The following ANO10 variants were observed in gnomAD, a reference collection of about 807,000 sequenced individuals.
ANO10 encodes the protein anoctamin 10, also known as anoctamin-10.
Under a neutral mutation model 74.7 loss-of-function variants are expected in ANO10, and 77 were observed. The observed-to-expected ratio is 1.03, with a 90% CI of 0.86 to 1.25. The LOEUF is 1.25. Among genes scored for constraint, ANO10 ranks in the 50% most tolerant of loss-of-function variants. ANO10 has a pLI of 0.00. For missense variants in ANO10, 721 were observed against 778.1 expected, an observed-to-expected ratio of 0.93 and a Z score of 0.87; for synonymous variants, 279 against 284.9, an observed-to-expected ratio of 0.98 and a Z score of 0.21.
intron 12 of ANO10, among the ~76,000 whole-genome samples, chr3:43,417,312 G>A (rs1243364526): frequency 1.3e-5 from 2 of 152,176 alleles, no homozygotes; most frequent in Non-Finnish European, 2.9e-5. Flanking sequence ...GAGACAAGAT[G>A]GCGCTGGCCA....
intron 12 of ANO10, among the ~76,000 whole-genome samples, chr3:43,426,980 ACTC>A (rs1285361533): frequency 4.0e-5 from 6 of 151,676 alleles, no homozygotes; most frequent in Admixed American, 1.3e-4. Context: ...ATCCACCACC[ACTC>A]CTCCTGTCAC....
chr3:43,369,077 TCTC>T (rs2091514474), intron 12 of ANO10, among the ~76,000 whole-genome samples: 1 of 152,178 alleles, frequency 6.6e-6, no homozygotes, highest in Non-Finnish European at 1.5e-5. Context: ...GGATGGGCCT[TCTC>T]CTCCAAATGA....
intron 12 of ANO10, among the ~76,000 whole-genome samples, chr3:43,411,838 T>C (rs2092670149): frequency 6.6e-6 from 1 of 152,146 alleles, no homozygotes; most frequent in Non-Finnish European, 1.5e-5. Flanking sequence ...AGCTGTGTGC[T>C]AACCAACCAT....
intron 11 of ANO10, among the ~76,000 whole-genome samples, chr3:43,511,686 CAG>C (rs1036405491): frequency 2.6e-5 from 4 of 152,132 alleles, no homozygotes; most frequent in African/African-American, 9.7e-5. Context: ...CTAAGAGGAT[CAG>C]AGAGTCATGT....
intron 11 of ANO10, among the ~76,000 whole-genome samples, chr3:43,539,477 T>G (rs2078859443): frequency 6.6e-6 from 1 of 152,138 alleles, no homozygotes; most frequent in Non-Finnish European, 1.5e-5. Flanking sequence ...CATGCAAGAA[T>G]GAGGTTAGCA....
intron 11 of ANO10, among the ~76,000 whole-genome samples, chr3:43,464,521 A>C (rs2372436): frequency 0.22 from 33,807 of 151,996 alleles, 4,289 homozygotes; most frequent in Middle Eastern, 0.36. Context: ...AGCTACAAAA[A>C]ATTAAAAAAT....
chr3:43,576,790 G>A lies in ANO10; in HGVS notation c.1064C>T (p.Thr355Ile). The change falls in exon 6 of 13, where the codon ACC becomes ATC. Residue 355 changes from threonine (T) to isoleucine (I), a missense_variant. Transcript: ENST00000292246. ...GCTGGGCACATACAACAGGACACTG[G>A]TCCACTCAGACCCGCTGTTCTCATG... ...GLHENSGSEW[T>I]SVLLYVPSII... The A allele has an allele frequency of 1.2e-6, 2 of 1,614,122 alleles. No homozygotes were observed. Among genetic ancestry groups the A allele is most frequent in the Non-Finnish European group, 1.7e-6 (2 of 1,180,020 alleles).
At chr3:43,412,342 T>C (rs1368736204) in intron 12 of ANO10, among the ~76,000 whole-genome samples, 3 of 152,096 alleles carry the variant, frequency 2.0e-5, no homozygotes, top group South Asian at 2.1e-4. Flanking sequence ...GGAATGCCGA[T>C]GCAGTCGGTT....
At position 43,596,882 on chromosome 3, in the gene ANO10, T is replaced by A. The variant is rs545449890; in HGVS notation, c.472+1650A>T. Among the ~76,000 whole-genome samples, 5 of 152,212 alleles carry A rather than the reference T, an allele frequency of 3.3e-5. No individual in the cohort carries two copies. The East Asian group carries it at 9.7e-4, about 29-fold the overall frequency. ...CTATCCATCTGACAAAGGGCTAATA[T>A]CCAGAATCTACAAAGAACTTAAACA... is the stretch of plus-strand genomic sequence containing the variant. On this transcript the variant is annotated intron_variant, in intron 4 of 12. Coordinates refer to ENST00000292246, the MANE Select transcript of ANO10 (RefSeq NM_018075.5).
At chr3:43,460,683 A>G (rs2075338052) in intron 11 of ANO10, among the ~76,000 whole-genome samples, 2 of 152,244 alleles carry the variant, frequency 1.3e-5, no homozygotes, top group Admixed American at 1.3e-4. Flanking sequence ...GTCTTCATGA[A>G]GAAAATCAGA....
intron 10 of ANO10, 77 bp downstream of exon 10, chr3:43,555,200 CT>C (rs1458917578): frequency 1.3e-5 from 19 of 1,473,862 alleles, no homozygotes; most frequent in Non-Finnish European, 1.8e-5. Context: ...GTAGGGCTTA[CT>C]TTTTAATTTT....
chr3:43,379,142 T>C (rs2091890889), intron 12 of ANO10, among the ~76,000 whole-genome samples: 1 of 152,082 alleles, frequency 6.6e-6, no homozygotes, highest in African/African-American at 2.4e-5. Context: ...AATCTAGAAC[T>C]CAAGTGACAC....
intron 12 of ANO10, among the ~76,000 whole-genome samples, chr3:43,394,560 T>C (rs192409128): frequency 3.9e-5 from 6 of 152,296 alleles, no homozygotes; most frequent in East Asian, 1.9e-4. Flanking sequence ...TAAGAAGATG[T>C]AGAATTTATA....
intron 12 of ANO10, among the ~76,000 whole-genome samples, chr3:43,428,495 G>A (rs1252243204): frequency 6.6e-6 from 1 of 152,104 alleles, no homozygotes; most frequent in African/African-American, 2.4e-5. Flanking sequence ...TGATGGATCA[G>A]AGACATTAGA....
At chr3:43,609,389 T>C (rs1473378638) in intron 1 of ANO10, among the ~76,000 whole-genome samples, 1 of 152,132 alleles carries the variant, frequency 6.6e-6, no homozygotes, top group African/African-American at 2.4e-5. Context: ...ATTAAATGTA[T>C]AAAACAAGTA....
chr3:43,422,364 C>T (rs1029126004), intron 12 of ANO10, among the ~76,000 whole-genome samples: 1 of 152,238 alleles, frequency 6.6e-6, no homozygotes, highest in Non-Finnish European at 1.5e-5. Context: ...GTCCGCCTGC[C>T]TCAGCCTCCC....
In ANO10 at chr3:43,664,097, C is replaced by T. The variant is rs544440617; in HGVS notation, c.-12+27420G>A. ...AGACAATCCTGGGCAAGAAGAACAA[C>T]GCTGGAGGCATTACACTACCTTACT... is the stretch of plus-strand genomic sequence containing the variant. On this transcript the variant is annotated intron_variant, in intron 1 of 3. Transcript: ENST00000413397. Among the ~76,000 whole-genome samples the T allele has an allele frequency of 5.3e-4, 80 of 151,930 alleles. 2 individuals are homozygous for T. Among genetic ancestry groups the T allele is most frequent in the East Asian group, 2.5e-3 (13 of 5,176 alleles).
chr3:43,623,608 C>G (rs535290107), upstream of ANO10, among the ~76,000 whole-genome samples: 1 of 152,222 alleles, frequency 6.6e-6, no homozygotes, highest in Non-Finnish European at 1.5e-5. Context: ...AATGCCTCAA[C>G]AAACTGCAGT....
chr3:43,666,436 T>A (rs1346818521), intron 1 of ANO10, among the ~76,000 whole-genome samples: 1 of 152,204 alleles, frequency 6.6e-6, no homozygotes, highest in Non-Finnish European at 1.5e-5. Flanking sequence ...GACCTAATTT[T>A]TTCTTGTTTG....
Sources: gnomAD v4.1 joint callset for allele counts (sites outside exome capture counted in the v4.1 genomes callset) on GRCh38, gnomAD v4.1.1 for gene constraint, MANE v1.5 for transcripts, NCBI Gene and HGNC (gene_info 2026-07-23, HGNC 2026-07-21) for gene names.